The following STAB2 variants were observed in gnomAD, a reference collection of about 807,000 sequenced individuals.
The protein encoded by STAB2 is stabilin-2.
In STAB2, 288 loss-of-function variants were observed where a neutral mutation model predicts 338.1. The ratio of observed to expected loss-of-function variants is 0.85; its 90% confidence interval spans 0.77 to 0.94. The LOEUF is 0.94. Ranked by LOEUF, STAB2 falls within the 40% of genes least tolerant of loss-of-function variation. STAB2 has a pLI of 0.00. For synonymous variants in STAB2, 1,202 were observed against 1,193.3 expected (o/e 1.01, Z -0.15); for missense variants, 3,141 against 3,210.1 (o/e 0.98, Z 0.52).
At chr12:103,763,645 G>A in intron 68 of STAB2, 37 bp downstream of exon 68, 2 of 1,549,778 alleles carry the variant, frequency 1.3e-6, no homozygotes, top group Middle Eastern at 3.4e-4. Flanking sequence ...AGGTTCCCTT[G>A]GGGTACAGGG....
chr12:103,644,893 T>C (rs1409085226), intron 9 of STAB2, among the ~76,000 whole-genome samples: 1 of 152,234 alleles, frequency 6.6e-6, no homozygotes, highest in African/African-American at 2.4e-5. Context: ...GCATTGCATG[T>C]CTGTAACAAA....
rs772808146 is a variant in STAB2, at chr12:103,699,196, A to C, written c.3683A>C (p.Tyr1228Ser). The C allele has an allele frequency of 5.6e-6, 9 of 1,612,908 alleles. No homozygotes were observed. The highest frequency in any genetic ancestry group is 6.8e-6 in the Non-Finnish European group (8 of 1,179,262). ...MHRETMLGFS[Y>S]FLSFFLHNDQ... is the part of the protein sequence containing the mutation. ...CGTGAGACCATGCTGGGTTTCTCCT[A>C]TTTCCTTAGCTTCTTTCTCCATAAT... The change falls in exon 34 of 69, where the codon TAT becomes TCT. Residue 1228 changes from tyrosine to serine, a missense_variant. Tyr to Ser is a moderately radical substitution (Grantham distance 144). Transcript: ENST00000388887.
rs184092889 is a variant in STAB2, at chr12:103,610,116, G to A, written c.332-10352G>A. Among the ~76,000 whole-genome samples, 920 of 151,804 alleles carry A rather than the reference G, an allele frequency of 6.1e-3. 8 individuals carry two copies. Among genetic ancestry groups the A allele is most frequent in the African/African-American group, 0.02 (843 of 41,270 alleles). The stretch of plus-strand genomic sequence containing the variant: ...GTATTTTATTGAGGATTTTTGCATC[G>A]ATGTTCATCAGGGATATTGGTCTAA... On this transcript the variant is annotated intron_variant, in intron 3 of 68. Coordinates refer to ENST00000388887, the MANE Select transcript of STAB2 (RefSeq NM_017564.10).
chr12:103,723,932 A>G (rs1322253461), intron 44 of STAB2, among the ~76,000 whole-genome samples: 2 of 146,474 alleles, frequency 1.4e-5, no homozygotes, highest in African/African-American at 5.5e-5. Context: ...AGAGAGAGGG[A>G]TGCTTGAAAT....
At chr12:103,599,141 T>C (rs1361931008) in intron 3 of STAB2, among the ~76,000 whole-genome samples, 17 of 152,324 alleles carry the variant, frequency 1.1e-4, no homozygotes, top group Non-Finnish European at 4.4e-5. Flanking sequence ...CCTAGCACTG[T>C]GCACCAAGCT....
intron 34 of STAB2, 71 bp from the exon 35 acceptor site, chr12:103,703,077 C>T (rs1382606658): frequency 8.5e-6 from 13 of 1,532,028 alleles, no homozygotes; most frequent in Admixed American, 4.0e-5. Flanking sequence ...CTATTGCTAA[C>T]CTCCACTTCC....
chr12:103,763,395 C>G (rs140188516), intron 67 of STAB2, 97 bp from the exon 68 acceptor site: 2 of 942,560 alleles, frequency 2.1e-6, no homozygotes, highest in Non-Finnish European at 3.3e-6. Flanking sequence ...AGGAAAAGCT[C>G]CCAGAGGCAA....
At chr12:103,608,304 A>C (rs1363421262) in intron 3 of STAB2, among the ~76,000 whole-genome samples, 1 of 151,938 alleles carries the variant, frequency 6.6e-6, no homozygotes, top group East Asian at 1.9e-4. Flanking sequence ...AAGCCTAGCT[A>C]ATTTTTTTTT....
In STAB2 at chr12:103,676,021, T is replaced by C. The variant is rs775684343; in HGVS notation, c.2646T>C (p.Asn882=). Residue 882 remains asparagine (N), a splice_region_variant and synonymous_variant, in exon 24 of 69, where the codon AAT becomes AAC. Coordinates refer to ENST00000388887, the MANE Select transcript of STAB2 (RefSeq NM_017564.10). Reference sequence around the variant, plus strand: ...TAACTCCAGGAGGCTGTAGCCGCAATGTGAGTACTGGTCTTCATTTCCACC... The same window carrying C: ...TAACTCCAGGAGGCTGTAGCCGCAACGTGAGTACTGGTCTTCATTTCCACC... ...TGLTPGGCSR[N]AECIKTGTGT... 3.7e-6 allele frequency: 6 copies of C among 1,600,798 alleles called. No individual in the cohort carries two copies. The African/African-American group carries it at 8.1e-5, about 22-fold the overall frequency.
At chr12:103,601,735 T>C (rs1160335858) in intron 3 of STAB2, among the ~76,000 whole-genome samples, 1 of 152,226 alleles carries the variant, frequency 6.6e-6, no homozygotes, top group Non-Finnish European at 1.5e-5. Flanking sequence ...AACATTCAAA[T>C]TGAAAGATTT....
Position 103,739,419 on chromosome 12 carries a change from G to A in STAB2, c.5705G>A (p.Cys1902Tyr), listed in dbSNP as rs999449911. ...TCTTTTCTTGCATACTAGGGGGAGT[G>A]TGGGAGCTGTGTCAATACTCCCAGC... is the stretch of plus-strand genomic sequence containing the variant. ...TFTTFDASGE[C>Y]GSCVNTPSCP... is the part of the protein sequence containing the mutation. Residue 1902 changes from cysteine to tyrosine, a missense_variant, in exon 54 of 69, where the codon TGT becomes TAT. By Grantham distance (194) the Cys-to-Tyr change is radical. Transcript: ENST00000388887. The A allele has an allele frequency of 1.9e-6, 3 of 1,591,608 alleles. No individual in the cohort carries two copies. The highest frequency in any genetic ancestry group is 2.6e-6 in the Non-Finnish European group (3 of 1,169,410).
At chr12:103,673,480 C>A (rs1876019496) in intron 22 of STAB2, among the ~76,000 whole-genome samples, 1 of 152,046 alleles carries the variant, frequency 6.6e-6, no homozygotes, top group South Asian at 2.1e-4. Context: ...TCTGCAGTAA[C>A]TGGGACCACA....
rs1881196926 is a variant in STAB2 at position 103,726,262 on chromosome 12, G to A, written c.4851+99G>A. On this transcript the variant is annotated intron_variant, in intron 46 of 68. Transcript: ENST00000388887. ...CCAACACTTTGGGAGGCCAAGGCGG[G>A]CAGATTGCCTGAGCTCAGGAGTTCG... 6.2e-6 allele frequency: 8 copies of A among 1,282,864 alleles called. No homozygotes were observed. In the East Asian group the frequency reaches 1.4e-4, roughly 23 times the overall value. 79.5% of individuals were successfully genotyped at this position (1,282,864 alleles called of 1,614,324 possible). A position where few individuals can be genotyped will look rare whatever the true frequency, so the allele number is the denominator to read the frequency against.
At chr12:103,725,212 A>T (rs760560684) in intron 45 of STAB2, 118 bp downstream of exon 45, 484 of 1,456,014 alleles carry the variant, frequency 3.3e-4, no homozygotes, top group Admixed American at 4.5e-4. Context: ...AAAATATGAA[A>T]GGCAATTTTA....
At chr12:103,652,880 G>A (rs1873852116) in intron 12 of STAB2, among the ~76,000 whole-genome samples, 175 bp downstream of exon 12, 2 of 152,194 alleles carry the variant, frequency 1.3e-5, no homozygotes, top group Non-Finnish European at 2.9e-5. Flanking sequence ...ACCAGGGAAG[G>A]CCATGGAGGA....
In STAB2 at chr12:103,689,847, A is replaced by G. The variant is rs532291909; in HGVS notation, c.3047A>G (p.Asn1016Ser). 7.4e-6 allele frequency: 12 copies of G among 1,612,852 alleles called. No individual in the cohort carries two copies. In the South Asian group the frequency reaches 1.2e-4, roughly 16 times the overall value. ...CTTTATTTTCCTTCTGTGGTTCAGA[A>G]TGCTTCTCTACAACCCACACTGTCA... ...EAAIFNRWIN[N>S]ASLQPTLSAT... Residue 1016 changes from asparagine (N) to serine (S), a missense_variant and splice_region_variant, in exon 29 of 69, where the codon AAT becomes AGT. Asn to Ser is a conservative substitution (Grantham distance 46). Transcript: ENST00000388887.
intron 27 of STAB2, 40 bp from the exon 28 acceptor site, chr12:103,688,128 C>G (rs1443452583): frequency 3.8e-6 from 6 of 1,586,940 alleles, no homozygotes; most frequent in Non-Finnish European, 5.2e-6. Context: ...TCTGTGTTCT[C>G]TCCCATCTCT....
chr12:103,712,142 A>G (rs748876840), intron 40 of STAB2, among the ~76,000 whole-genome samples: 22 of 152,290 alleles, frequency 1.4e-4, no homozygotes, highest in Middle Eastern at 3.4e-3. Context: ...CTGAACTGAC[A>G]CCTATATCTA....
At position 103,722,241 on chromosome 12, in the gene STAB2, C is replaced by G. The variant is rs1880825873; in HGVS notation, c.4684-2734C>G. On this transcript the variant is annotated intron_variant, in intron 44 of 68. Coordinates refer to ENST00000388887, the MANE Select transcript of STAB2 (RefSeq NM_017564.10). ...GGAAGAAGTACTTACGGAGAAGCCT[C>G]AGTAAAAAAGCCCACAATGTGGAAG... Among the ~76,000 whole-genome samples the G allele has an allele frequency of 1.3e-5, 2 of 152,086 alleles. 1 individual carries two copies. The highest frequency in any genetic ancestry group is 6.3e-3 in the Middle Eastern group (2 of 316).
Sources: gnomAD v4.1 joint callset for allele counts (sites outside exome capture counted in the v4.1 genomes callset) on GRCh38, gnomAD v4.1.1 for gene constraint, MANE v1.5 for transcripts, NCBI Gene and HGNC (gene_info 2026-07-23, HGNC 2026-07-21) for gene names.